The following FARP1 variants were observed in gnomAD, a reference collection of about 807,000 sequenced individuals.
FARP1 encodes the protein FERM, ARH/RhoGEF and pleckstrin domain protein 1, also known as FERM, ARHGEF and pleckstrin domain-containing protein 1.
FARP1 carries 52 observed loss-of-function variants against 128.8 expected under a neutral mutation model. That is an observed-to-expected ratio of 0.40 (90% CI 0.32 to 0.51). The LOEUF (loss-of-function observed/expected upper bound fraction) is 0.51, where lower values mean the gene tolerates loss of function less well. Among genes scored for constraint, FARP1 ranks in the 20% least tolerant of loss-of-function variants. The pLI is 0.45. For synonymous variants in FARP1, 580 were observed against 551.8 expected (o/e 1.05, Z -0.72); for missense variants, 1,333 against 1,367.9 (o/e 0.97, Z 0.40).
At chr13:98,286,648 T>C (rs1356533219) in intron 2 of FARP1, among the ~76,000 whole-genome samples, 3 of 152,110 alleles carry the variant, frequency 2.0e-5, no homozygotes, top group Non-Finnish European at 4.4e-5. Flanking sequence ...CTGTCTTGGG[T>C]TTCCCTTTAT....
intron 2 of FARP1, among the ~76,000 whole-genome samples, chr13:98,289,288 CAG>C (rs759356972): frequency 2.0e-5 from 3 of 152,104 alleles, no homozygotes; most frequent in Admixed American, 6.6e-5. Flanking sequence ...TTGGCTAATG[CAG>C]AGTCTCAAAG....
rs548221859 is a variant in FARP1, at chr13:98,164,477, T to C, written c.-24+20985T>C. ...TCAAAAGCCTTTTAATTCTTTCTAATTGAATCCCTTGGCTTAAGATTCTTT... is the reference window on the plus strand; with the variant it reads ...TCAAAAGCCTTTTAATTCTTTCTAACTGAATCCCTTGGCTTAAGATTCTTT... On this transcript the variant is annotated intron_variant, in intron 1 of 26. Transcript: ENST00000319562. 1.4e-4 allele frequency among the ~76,000 whole-genome samples: 21 copies of C among 152,350 alleles called. No individual in the cohort carries two copies. The South Asian group carries it at 3.7e-3, about 27-fold the overall frequency.
chr13:98,151,295 T>A (rs1875980053), intron 1 of FARP1, among the ~76,000 whole-genome samples: 1 of 151,932 alleles, frequency 6.6e-6, no homozygotes, highest in Admixed American at 6.6e-5. Flanking sequence ...GAACACAGAG[T>A]GTATGTAGGG....
chr13:98,320,659 T>C (rs1347141879), intron 2 of FARP1, among the ~76,000 whole-genome samples: 1 of 152,200 alleles, frequency 6.6e-6, no homozygotes, highest in Non-Finnish European at 1.5e-5. Context: ...ATTTAAATTG[T>C]AAACAAAACT....
At chr13:98,304,425 A>G (rs1031674939) in intron 2 of FARP1, among the ~76,000 whole-genome samples, 1 of 152,180 alleles carries the variant, frequency 6.6e-6, no homozygotes, top group African/African-American at 2.4e-5. Flanking sequence ...TGTTTCATTC[A>G]TTTATTCAGT....
intron 2 of FARP1, among the ~76,000 whole-genome samples, chr13:98,317,947 CCTCT>C (rs1252795833): frequency 4.1e-5 from 6 of 147,788 alleles, no homozygotes; most frequent in Non-Finnish European, 7.5e-5. Context: ...TTCTTTCCTT[CCTCT>C]CTCCTGCGTT....
chr13:98,225,784 T>G (rs986129007), intron 2 of FARP1, among the ~76,000 whole-genome samples: 1 of 152,224 alleles, frequency 6.6e-6, no homozygotes, highest in African/African-American at 2.4e-5. Flanking sequence ...TCCAAACTTA[T>G]TTTTGCCCTC....
intron 1 of FARP1, among the ~76,000 whole-genome samples, chr13:98,211,454 GA>G (rs1323434061): frequency 6.6e-6 from 1 of 151,910 alleles, no homozygotes; most frequent in Non-Finnish European, 1.5e-5. Context: ...TTTGTCTGTG[GA>G]AAAACTGTCT....
intron 5 of FARP1, among the ~76,000 whole-genome samples, chr13:98,374,399 T>C (rs944993105): frequency 6.6e-6 from 1 of 152,152 alleles, no homozygotes; most frequent in African/African-American, 2.4e-5. Context: ...CACTCCAGCC[T>C]GGAAAACAGA....
At chr13:98,274,532 G>A (rs1463007009) in intron 2 of FARP1, among the ~76,000 whole-genome samples, 1 of 152,052 alleles carries the variant, frequency 6.6e-6, no homozygotes, top group African/African-American at 2.4e-5. Context: ...GCAAAAATCA[G>A]GGATTGAAAG....
chr13:98,330,456 A>C (rs1042747800), intron 2 of FARP1, among the ~76,000 whole-genome samples: 1 of 152,094 alleles, frequency 6.6e-6, no homozygotes, highest in African/African-American at 2.4e-5. Context: ...AAATTCAAGG[A>C]AATTGTCAGA....
chr13:98,193,161 G>T (rs376520667), intron 1 of FARP1, among the ~76,000 whole-genome samples: 1 of 151,758 alleles, frequency 6.6e-6, no homozygotes, highest in Non-Finnish European at 1.5e-5. Flanking sequence ...GGGTTCAAGC[G>T]ATTCTTCTGC....
chr13:98,390,248 G>A (rs868167597), intron 10 of FARP1, 128 bp downstream of exon 10: 17 of 991,182 alleles, frequency 1.7e-5, no homozygotes, highest in Non-Finnish European at 2.2e-5. Context: ...ATGGCCAAGC[G>A]GGGGCGCTTG....
intron 1 of FARP1, among the ~76,000 whole-genome samples, chr13:98,151,077 C>T (rs780212292): frequency 1.7e-4 from 22 of 125,960 alleles, no homozygotes; most frequent in Non-Finnish European, 4.0e-4. Context: ...TGTGCTGTTA[C>T]GAGTAGCTTG....
At chr13:98,306,919 A>C (rs1447881251) in intron 2 of FARP1, among the ~76,000 whole-genome samples, 1 of 152,244 alleles carries the variant, frequency 6.6e-6, no homozygotes, top group East Asian at 1.9e-4. Context: ...ACATTCATTA[A>C]ATATTGGGCT....
chr13:98,401,906 C>T (rs1190504043), intron 13 of FARP1: 2 of 152,104 alleles, frequency 1.3e-5, no homozygotes, highest in Non-Finnish European at 2.9e-5. Flanking sequence ...ATGGTAGCCT[C>T]GAAACCAAGC....
chr13:98,416,981 G>A (rs770596369), intron 16 of FARP1, among the ~76,000 whole-genome samples: 3 of 152,202 alleles, frequency 2.0e-5, no homozygotes, highest in Non-Finnish European at 4.4e-5. Flanking sequence ...GCATGCGGGA[G>A]ACTGGCTGGG....
chr13:98,269,503 A>C (rs1884288803), intron 2 of FARP1, among the ~76,000 whole-genome samples: 1 of 152,238 alleles, frequency 6.6e-6, no homozygotes, highest in Admixed American at 6.5e-5. Flanking sequence ...CAACAGACTC[A>C]TCCACAGCAG....
chr13:98,276,312 G>C (rs776900176), intron 2 of FARP1, among the ~76,000 whole-genome samples: 1 of 152,178 alleles, frequency 6.6e-6, no homozygotes, highest in Non-Finnish European at 1.5e-5. Flanking sequence ...TTTTGCCTGG[G>C]GTTTAGGATT....
Sources: allele counts gnomAD v4.1 joint callset (sites outside exome capture counted in the v4.1 genomes callset), GRCh38; gene constraint gnomAD v4.1.1; transcripts MANE v1.5; gene names NCBI Gene and HGNC (gene_info 2026-07-23, HGNC 2026-07-21).